Variants in IGSF11 observed in about 807,000 individuals in gnomAD.
The protein encoded by IGSF11 is immunoglobulin superfamily member 11.
In IGSF11, 22 loss-of-function variants were observed where a neutral mutation model predicts 41.0. That is an observed-to-expected ratio of 0.54 (90% CI 0.38 to 0.77). The LOEUF is 0.77. Among genes scored for constraint, IGSF11 ranks in the 30% least tolerant of loss-of-function variants. The pLI is 0.00. For missense variants in IGSF11, 444 were observed against 530.8 expected (o/e 0.84, Z 1.61); for synonymous variants, 219 against 201.3 (o/e 1.09, Z -0.74).
rs115917868 is a variant in IGSF11, at chr3:118,909,643, G to T, written c.581-3925C>A. Among the ~76,000 whole-genome samples, 240 of 152,330 alleles carry T rather than the reference G, an allele frequency of 1.6e-3. 3 individuals carry two copies. The highest frequency in any genetic ancestry group is 5.7e-3 in the African/African-American group (236 of 41,578). ...TGTTCCCATTAATAGAATTTCCAAG[G>T]GCACCGTCCAGATGGATGTTAGGAT... On this transcript the variant is annotated intron_variant, in intron 4 of 6. Coordinates refer to ENST00000393775, the MANE Select transcript of IGSF11 (RefSeq NM_001015887.3).
intron 4 of IGSF11, among the ~76,000 whole-genome samples, chr3:118,918,796 G>A (rs1381689279): frequency 3.1e-4 from 44 of 141,350 alleles, no homozygotes; most frequent in South Asian, 1.8e-3. Flanking sequence ...AGCCCGCATC[G>A]CCAAGTCAAT....
intron 1 of IGSF11, among the ~76,000 whole-genome samples, chr3:119,081,527 T>C (rs778571368): frequency 2.6e-5 from 4 of 152,230 alleles, no homozygotes; most frequent in Non-Finnish European, 5.9e-5. Flanking sequence ...TAAAGAACTG[T>C]CCCATGTCCT....
chr3:119,138,509 A>G (rs1397961341), intron 1 of IGSF11, among the ~76,000 whole-genome samples: 1 of 152,200 alleles, frequency 6.6e-6, no homozygotes, highest in Non-Finnish European at 1.5e-5. Flanking sequence ...ACATGGTGAA[A>G]TCCCATCTCT....
intron 4 of IGSF11, among the ~76,000 whole-genome samples, chr3:118,913,473 G>A (rs1940613573): frequency 6.6e-6 from 1 of 152,082 alleles, no homozygotes; most frequent in East Asian, 1.9e-4. Flanking sequence ...TTTCTCAACA[G>A]AAACAAGAAA....
intron 1 of IGSF11, among the ~76,000 whole-genome samples, chr3:119,005,887 G>A (rs1937452163): frequency 7.4e-6 from 1 of 134,750 alleles, no homozygotes; most frequent in Non-Finnish European, 1.5e-5. Flanking sequence ...CTCTCTGGCT[G>A]CCCTTAACAC....
At chr3:119,065,792 CAAAAAAAA>C (rs1193374379) in intron 1 of IGSF11, among the ~76,000 whole-genome samples, 2 of 56,742 alleles carry the variant, frequency 3.5e-5, no homozygotes, top group African/African-American at 1.2e-4. Flanking sequence ...GACTCTGTCT[CAAAAAAAA>C]AAAAAAAAAA....
At chr3:119,039,851 A>G (rs1941051006) in intron 1 of IGSF11, among the ~76,000 whole-genome samples, 1 of 152,154 alleles carries the variant, frequency 6.6e-6, no homozygotes, top group Admixed American at 6.5e-5. Context: ...ACCTTTGCAA[A>G]ATTATGACGG....
At chr3:119,123,714 T>C (rs2077363577) in intron 1 of IGSF11, among the ~76,000 whole-genome samples, 1 of 152,152 alleles carries the variant, frequency 6.6e-6, no homozygotes, top group South Asian at 2.1e-4. Context: ...CAAGAGTCCC[T>C]ACCTGGTAAT....
intron 1 of IGSF11, among the ~76,000 whole-genome samples, chr3:119,053,106 C>T (rs1941692326): frequency 6.6e-6 from 1 of 152,192 alleles, no homozygotes; most frequent in Non-Finnish European, 1.5e-5. Flanking sequence ...TGCCCACTTT[C>T]ACCACTTCTA....
intron 1 of IGSF11, among the ~76,000 whole-genome samples, chr3:119,098,241 A>T (rs891207050): frequency 4.6e-5 from 7 of 152,066 alleles, no homozygotes; most frequent in Admixed American, 4.6e-4. Flanking sequence ...CAGATTACTT[A>T]ACCTTTTTTG....
chr3:119,016,074 G>T (rs1367684365), intron 1 of IGSF11, among the ~76,000 whole-genome samples: 1 of 152,228 alleles, frequency 6.6e-6, no homozygotes, highest in East Asian at 1.9e-4. Context: ...AGCTAGGAAG[G>T]TTAGGGATTG....
In IGSF11 at chr3:119,039,938, G is replaced by A. The variant is rs191786366; in HGVS notation, c.49+65206C>T. ...AACCTGTCCTTTTTCATTCCTGGGC[G>A]TAGGCTGAACTAACTTTGGGAGAAA... On this transcript the variant is annotated intron_variant, in intron 1 of 6. Transcript: ENST00000354673. 1.9e-4 allele frequency among the ~76,000 whole-genome samples: 29 copies of A among 152,250 alleles called. No individual in the cohort carries two copies. In the East Asian group the frequency reaches 3.1e-3, roughly 16 times the overall value.
At chr3:119,143,799 A>G (rs61101462) in intron 1 of IGSF11, among the ~76,000 whole-genome samples, 12,108 of 152,210 alleles carry the variant, frequency 0.08, 641 homozygotes, top group Admixed American at 0.16. Context: ...ACCAAAAGAG[A>G]GCTGGAGCTG....
At chr3:119,047,767 T>C (rs574625435) in intron 1 of IGSF11, among the ~76,000 whole-genome samples, 72 of 152,054 alleles carry the variant, frequency 4.7e-4, no homozygotes, top group African/African-American at 1.7e-3. Flanking sequence ...CCTCAGCAAA[T>C]GTAAAAGAAC....
intron 1 of IGSF11, among the ~76,000 whole-genome samples, chr3:119,001,800 C>T (rs1364761626): frequency 6.9e-6 from 1 of 145,852 alleles, no homozygotes; most frequent in Non-Finnish European, 1.5e-5. Context: ...AGGACATGAA[C>T]TCATCATTTT....
intron 1 of IGSF11, among the ~76,000 whole-genome samples, chr3:118,966,517 C>G (rs767403315): frequency 3.3e-5 from 5 of 152,096 alleles, no homozygotes; most frequent in Non-Finnish European, 7.4e-5. Context: ...GACATCTAGC[C>G]TTTCTGATTT....
At chr3:118,910,522 C>T (rs183491566) in intron 4 of IGSF11, among the ~76,000 whole-genome samples, 1 of 152,316 alleles carries the variant, frequency 6.6e-6, no homozygotes, top group African/African-American at 2.4e-5. Context: ...TTAACAAAGC[C>T]TTCCATTTAT....
intron 1 of IGSF11, among the ~76,000 whole-genome samples, chr3:119,139,793 A>C (rs1182781202): frequency 6.6e-6 from 1 of 152,218 alleles, no homozygotes; most frequent in African/African-American, 2.4e-5. Context: ...TAACAGCATA[A>C]ATCAATTACA....
intron 1 of IGSF11, among the ~76,000 whole-genome samples, chr3:119,062,000 C>A (rs1168618450): frequency 1.3e-5 from 2 of 152,100 alleles, no homozygotes; most frequent in Non-Finnish European, 2.9e-5. Flanking sequence ...TTGGGAAAGT[C>A]ACTTAACCTC....
Sources: gnomAD v4.1 joint callset for allele counts (sites outside exome capture counted in the v4.1 genomes callset) on GRCh38, gnomAD v4.1.1 for gene constraint, MANE v1.5 for transcripts, NCBI Gene and HGNC (gene_info 2026-07-23, HGNC 2026-07-21) for gene names.